The following SNX29 variants were observed in gnomAD, a reference collection of about 807,000 sequenced individuals.
The protein encoded by SNX29 is sorting nexin 29.
A neutral mutation model predicts 102.1 loss-of-function variants in SNX29; 78 were observed. The observed-to-expected ratio is 0.76, with a 90% CI of 0.64 to 0.92. The LOEUF (loss-of-function observed/expected upper bound fraction) is 0.92. Among genes scored for constraint, SNX29 ranks in the 40% least tolerant of loss-of-function variants. The probability of loss-of-function intolerance (pLI) is 0.00; values close to 1 mark genes in which losing one functional copy is unlikely to be tolerated. For synonymous variants in SNX29, 580 were observed against 414.5 expected (o/e 1.40, Z -4.85); for missense variants, 1,280 against 1,061.7 (o/e 1.21, Z -2.86).
At chr16:12,155,739 C>T (rs1224005303) in intron 13 of SNX29, among the ~76,000 whole-genome samples, 2 of 152,166 alleles carry the variant, frequency 1.3e-5, no homozygotes, top group Admixed American at 1.3e-4. Context: ...CCAGAACCTT[C>T]TGCAGTTCAT....
At chr16:12,067,678 G>A (rs1055555906) in intron 9 of SNX29, among the ~76,000 whole-genome samples, 1 of 152,154 alleles carries the variant, frequency 6.6e-6, no homozygotes, top group Non-Finnish European at 1.5e-5. Context: ...AGTAGAGACG[G>A]GGTTTTGCCA....
chr16:12,297,643 A>T (rs566524859), intron 15 of SNX29, among the ~76,000 whole-genome samples: 1 of 152,224 alleles, frequency 6.6e-6, no homozygotes, highest in Non-Finnish European at 1.5e-5. Context: ...GTGTTAATTT[A>T]ATTGCATTCG....
chr16:12,114,824 C>A (rs748391291), intron 11 of SNX29, among the ~76,000 whole-genome samples: 3 of 152,070 alleles, frequency 2.0e-5, no homozygotes, highest in South Asian at 2.1e-4. Context: ...CATCATAATT[C>A]CTTTGTAATT....
chr16:12,475,914 A>G (rs970223478), intron 18 of SNX29, among the ~76,000 whole-genome samples: 1 of 152,236 alleles, frequency 6.6e-6, no homozygotes, highest in Non-Finnish European at 1.5e-5. Flanking sequence ...ACCCCGATCT[A>G]GATAATTAGT....
intron 13 of SNX29, among the ~76,000 whole-genome samples, chr16:12,147,533 C>T (rs1041053651): frequency 3.3e-5 from 5 of 151,958 alleles, no homozygotes; most frequent in African/African-American, 1.2e-4. Flanking sequence ...ACCAAAAGAG[C>T]CCAGGAAAGG....
At chr16:12,473,467 C>T (rs1040404808) in intron 18 of SNX29, among the ~76,000 whole-genome samples, 38 of 152,290 alleles carry the variant, frequency 2.5e-4, no homozygotes, top group African/African-American at 8.7e-4. Flanking sequence ...CCCAGCTACC[C>T]ACATTGCTGG....
intron 19 of SNX29, among the ~76,000 whole-genome samples, chr16:12,487,815 C>A (rs370371496): frequency 5.9e-5 from 9 of 152,264 alleles, no homozygotes; most frequent in East Asian, 1.9e-4. Context: ...TAAACTCAAG[C>A]CTGTGTCTCA....
intron 19 of SNX29, among the ~76,000 whole-genome samples, chr16:12,500,158 A>ATT (rs5815690): frequency 1.3e-5 from 2 of 151,384 alleles, no homozygotes; most frequent in Admixed American, 6.6e-5. Flanking sequence ...CACCTAGCTA[A>ATT]TTTTTTTTCT....
intron 20 of SNX29, among the ~76,000 whole-genome samples, chr16:12,535,863 G>A (rs1360646536): frequency 6.6e-6 from 1 of 152,100 alleles, no homozygotes; most frequent in Non-Finnish European, 1.5e-5. Flanking sequence ...GAGCCCTATT[G>A]GTGCTGTCCA....
chr16:12,184,788 A>G (rs2141858756), intron 13 of SNX29, among the ~76,000 whole-genome samples: 1 of 152,358 alleles, frequency 6.6e-6, no homozygotes, highest in East Asian at 1.9e-4. Flanking sequence ...AACATAGCAG[A>G]AACATGTTTT....
intron 15 of SNX29, among the ~76,000 whole-genome samples, chr16:12,345,688 A>G (rs1002560960): frequency 1.3e-5 from 2 of 152,148 alleles, no homozygotes; most frequent in Admixed American, 6.5e-5. Flanking sequence ...CTGAGATTTG[A>G]GTGACGTTGT....
intron 15 of SNX29, among the ~76,000 whole-genome samples, chr16:12,314,215 T>C (rs934997472): frequency 5.9e-5 from 9 of 152,212 alleles, no homozygotes; most frequent in African/African-American, 2.2e-4. Flanking sequence ...CCCAGGCTGG[T>C]CCCAAACTCC....
chr16:11,992,215 G>A (rs879784620), intron 1 of SNX29, among the ~76,000 whole-genome samples: 1 of 152,052 alleles, frequency 6.6e-6, no homozygotes, highest in Non-Finnish European at 1.5e-5. Flanking sequence ...GACTGCTTGA[G>A]CCCTGGAGTT....
chr16:12,385,992 C>T (rs948789286), intron 16 of SNX29, among the ~76,000 whole-genome samples: 1 of 152,222 alleles, frequency 6.6e-6, no homozygotes, highest in Non-Finnish European at 1.5e-5. Flanking sequence ...GAACCCAGCT[C>T]AATATGCATG....
chr16:12,444,743 G>A (rs1214461442), intron 18 of SNX29, among the ~76,000 whole-genome samples: 1 of 152,088 alleles, frequency 6.6e-6, no homozygotes, highest in Non-Finnish European at 1.5e-5. Flanking sequence ...CCCATTTACA[G>A]GTCATATTCA....
chr16:12,569,634 T>G lies in SNX29; in HGVS notation c.*1005T>G. ...CTTGATAACAGAACTCTGCATCCCC[T>G]AAGACAGAGTCCTCTGTTCCTCCCA... On this transcript the variant is annotated 3_prime_UTR_variant, in exon 21 of 21. Transcript: ENST00000566228. The G allele has an allele frequency of 5.9e-6, 1 of 170,192 alleles. No homozygotes were observed. The highest frequency in any genetic ancestry group is 1.1e-5 in the Non-Finnish European group (1 of 90,038). The allele number at this position is 170,192 out of a possible 1,614,324, so 10.5% of individuals were successfully genotyped here. A position where few individuals can be genotyped will look rare whatever the true frequency, so the allele number is the denominator to read the frequency against.
At chr16:12,269,826 C>G (rs1170567538) in intron 14 of SNX29, among the ~76,000 whole-genome samples, 5 of 141,106 alleles carry the variant, frequency 3.5e-5, no homozygotes, top group African/African-American at 1.3e-4. Context: ...ACATCATCAT[C>G]ATCATCATCA....
chr16:12,162,983 G>T (rs1018402513), intron 13 of SNX29, among the ~76,000 whole-genome samples: 1 of 152,140 alleles, frequency 6.6e-6, no homozygotes, highest in Admixed American at 6.5e-5. Flanking sequence ...CAGGGTTTAA[G>T]TGATTCTCTC....
intron 13 of SNX29, among the ~76,000 whole-genome samples, chr16:12,156,013 G>T (rs1384599494): frequency 6.6e-6 from 1 of 152,138 alleles, no homozygotes; most frequent in Admixed American, 6.5e-5. Flanking sequence ...ACTCCTCCTC[G>T]TGTTCATCTG....
Sources: gnomAD v4.1 joint callset for allele counts (sites outside exome capture counted in the v4.1 genomes callset) on GRCh38, gnomAD v4.1.1 for gene constraint, MANE v1.5 for transcripts, NCBI Gene and HGNC (gene_info 2026-07-23, HGNC 2026-07-21) for gene names.